Variants in PTBP3 observed in about 807,000 individuals in gnomAD.
The protein encoded by PTBP3 is polypyrimidine tract-binding protein 3.
PTBP3 carries 20 observed loss-of-function variants against 58.7 expected under a neutral mutation model. The observed-to-expected ratio is 0.34, with a 90% CI of 0.24 to 0.50. The LOEUF is 0.50. Among genes scored for constraint, PTBP3 ranks in the 20% least tolerant of loss-of-function variants. The probability of loss-of-function intolerance (pLI) is 0.98; values close to 1 mark genes in which losing one functional copy is unlikely to be tolerated. For missense variants in PTBP3, 509 were observed against 637.2 expected (o/e 0.80, Z 2.17); for synonymous variants, 185 against 219.8 (o/e 0.84, Z 1.40).
Position 112,223,906 on chromosome 9 carries a change from T to C in PTBP3, c.1520A>G (p.His507Arg), listed in dbSNP as rs771066814. 3 of 1,613,770 alleles carry C rather than the reference T, an allele frequency of 1.9e-6. No homozygotes were observed. The highest frequency in any genetic ancestry group is 4.5e-5 in the East Asian group (2 of 44,860). ...GAGGTGGTGATTTTCTCCAAGGTCA[T>C]GGTTATGAAGCTCAATGAGGGCCTG... ...AIQALIELHN[H>R]DLGENHHLRV... Residue 507 changes from histidine to arginine, a missense_variant, in exon 14 of 14, where the codon CAT (histidine) becomes CGT (arginine). His to Arg is a conservative substitution (Grantham distance 29). Around this residue, in one of 4 missense-constraint regions of PTBP3, gnomAD observed 135 missense variants for 229.0 expected, o/e 0.59. Coordinates refer to ENST00000374257, the MANE Select transcript of PTBP3 (RefSeq NM_001163788.4).
At chr9:112,264,621 T>C (rs983648003) in intron 4 of PTBP3, among the ~76,000 whole-genome samples, 6 of 152,210 alleles carry the variant, frequency 3.9e-5, no homozygotes, top group African/African-American at 1.4e-4. Context: ...ACTTTAAAAA[T>C]ATCAAACAGG....
intron 1 of PTBP3, among the ~76,000 whole-genome samples, chr9:112,331,134 A>G (rs1355621883): frequency 6.8e-6 from 1 of 146,240 alleles, no homozygotes; most frequent in Non-Finnish European, 1.5e-5. Context: ...CACGAGAGAC[A>G]GTTGGGATTT....
the PTBP3 span, among the ~76,000 whole-genome samples, chr9:112,360,567 A>G: frequency 6.6e-6 from 1 of 151,952 alleles, no homozygotes; most frequent in African/African-American, 2.4e-5. Flanking sequence ...GAGATGTGGG[A>G]CTCTCTCAAA....
chr9:112,361,697 T>C, the PTBP3 span, among the ~76,000 whole-genome samples: 1 of 152,354 alleles, frequency 6.6e-6, no homozygotes, highest in Non-Finnish European at 1.5e-5. Context: ...CAGTGCCACC[T>C]GGTGGTGACT....
At chr9:112,364,177 C>CTTTTTTTTT in the PTBP3 span, among the ~76,000 whole-genome samples, 5 of 73,532 alleles carry the variant, frequency 6.8e-5, no homozygotes, top group African/African-American at 1.7e-4. Context: ...TAGGTCAGTT[C>CTTTTTTTTT]TTTTTTTTTT....
chr9:112,228,246 A>G, intron 11 of PTBP3, 134 bp downstream of exon 11: 2 of 591,034 alleles, frequency 3.4e-6, no homozygotes, highest in Non-Finnish European at 5.9e-6. Flanking sequence ...ACAGATGCAA[A>G]TAATAATGAA....
In PTBP3 at chr9:112,297,850, G is replaced by T; in HGVS notation, c.16C>A (p.Pro6Thr). MNSST[P>T]STGVYANGND... is the part of the protein sequence containing the mutation. ...AACTCACCATACACACCTGTAGAAG[G>T]AGTAGAACTATTCATGGTAAAAGGT... Residue 6 changes from proline to threonine, a missense_variant, in exon 2 of 14, where the codon CCT becomes ACT. This residue lies in a region of PTBP3 where 212 missense variants were observed against 215.3 expected (regional missense o/e 0.98). Transcript: ENST00000374257. 6.2e-7 allele frequency: 1 copy of T among 1,607,230 alleles called. No homozygotes were observed. Among genetic ancestry groups the T allele is most frequent in the South Asian group, 1.1e-5 (1 of 90,050 alleles).
upstream of PTBP3, among the ~76,000 whole-genome samples, chr9:112,337,435 C>A (rs1463812427): frequency 1.3e-5 from 2 of 151,874 alleles, no homozygotes; most frequent in African/African-American, 4.8e-5. Context: ...TTTGAGAAAC[C>A]TAACTGTTCC....
In PTBP3 at chr9:112,252,714, C is replaced by A. The variant is rs944012191; in HGVS notation, c.591G>T (p.Gln197His). ...AATGTGCATTTACTGGGTCAGCATA[C>A]TGAAGCAAGGCTTGAAACTGATTAT... ...TKNNQFQALL[Q>H]YADPVNAHYA... Residue 197 changes from glutamine to histidine, a missense_variant, in exon 6 of 14, where the codon CAG (glutamine) becomes CAT (histidine). Transcript: ENST00000374257. 2.5e-6 allele frequency: 4 copies of A among 1,611,754 alleles called. No individual in the cohort carries two copies. The highest frequency in any genetic ancestry group is 3.4e-6 in the Non-Finnish European group (4 of 1,178,546).
intron 3 of PTBP3, among the ~76,000 whole-genome samples, chr9:112,271,867 A>T (rs2132179194): frequency 6.6e-6 from 1 of 152,328 alleles, no homozygotes; most frequent in Middle Eastern, 3.4e-3. Context: ...ACCCTGAGTC[A>T]ATATTGATTT....
intron 10 of PTBP3, among the ~76,000 whole-genome samples, chr9:112,230,146 C>T (rs1835145652): frequency 6.6e-6 from 1 of 151,994 alleles, no homozygotes; most frequent in South Asian, 2.1e-4. Flanking sequence ...TTGTAAATTA[C>T]ATCTGAAAAA....
At chr9:112,273,924 A>G (rs1275405427) in intron 3 of PTBP3, among the ~76,000 whole-genome samples, 1 of 152,248 alleles carries the variant, frequency 6.6e-6, no homozygotes, top group Non-Finnish European at 1.5e-5. Context: ...CAGTTAGCTT[A>G]CCGATAAAAA....
intron 1 of PTBP3, among the ~76,000 whole-genome samples, chr9:112,321,938 A>G (rs1829966838): frequency 6.6e-6 from 1 of 152,116 alleles, no homozygotes; most frequent in South Asian, 2.1e-4. Context: ...GATCAAGACC[A>G]TCCTGGCCAA....
intron 2 of PTBP3, among the ~76,000 whole-genome samples, chr9:112,277,878 T>TTTG (rs1827678287): frequency 2.9e-5 from 4 of 137,310 alleles, no homozygotes; most frequent in East Asian, 2.1e-4. Context: ...TGTCTCAAAA[T>TTTG]AACGTAACAT....
chr9:112,280,781 G>A (rs1195626591), intron 2 of PTBP3, among the ~76,000 whole-genome samples: 3 of 51,028 alleles, frequency 5.9e-5, no homozygotes, highest in African/African-American at 2.4e-4. Flanking sequence ...GTGTGTGTGT[G>A]TGTGCATATA....
chr9:112,333,030 G>A (rs931374879), intron 1 of PTBP3: 3 of 1,272,928 alleles, frequency 2.4e-6, no homozygotes, highest in Non-Finnish European at 2.0e-6. Flanking sequence ...CCACCTCGCC[G>A]GTAAACAGCA....
At chr9:112,227,326 CA>C (rs769598198) in intron 12 of PTBP3, 84 bp downstream of exon 12, 673 of 1,438,426 alleles carry the variant, frequency 4.7e-4, no homozygotes, top group Non-Finnish European at 6.1e-4. Flanking sequence ...TAGGTTAGAA[CA>C]ATTTCAGAAG....
intron 9 of PTBP3, among the ~76,000 whole-genome samples, 185 bp downstream of exon 9, chr9:112,231,911 AAAG>A (rs1388699578): frequency 1.6e-5 from 2 of 125,654 alleles, no homozygotes; most frequent in South Asian, 2.6e-4. Flanking sequence ...TCTGAAAAGA[AAAG>A]AAGAGAAGAG....
At chr9:112,315,175 C>A (rs569566087) in intron 1 of PTBP3, among the ~76,000 whole-genome samples, 1 of 152,056 alleles carries the variant, frequency 6.6e-6, no homozygotes, top group Non-Finnish European at 1.5e-5. Context: ...AATTAGACTA[C>A]ACATTCAAGT....
Sources: gnomAD v4.1 joint callset for allele counts (sites outside exome capture counted in the v4.1 genomes callset) on GRCh38, gnomAD v4.1.1 for gene constraint, gnomAD v4.1.1 regional missense constraint, MANE v1.5 for transcripts, NCBI Gene and HGNC (gene_info 2026-07-23, HGNC 2026-07-21) for gene names.